CACNA1D: variants seen among roughly 807,000 people sequenced by gnomAD.
CACNA1D encodes calcium voltage-gated channel subunit alpha1 D.
CACNA1D carries 55 observed loss-of-function variants against 257.1 expected under a neutral mutation model. The observed-to-expected ratio is 0.21, with a 90% confidence interval of 0.17 to 0.27. The LOEUF (loss-of-function observed/expected upper bound fraction) is 0.27. Ranked by LOEUF, CACNA1D falls within the 10% of genes least tolerant of loss-of-function variation. CACNA1D has a pLI of 1.00. For synonymous variants in CACNA1D, 980 were observed against 1,014.9 expected (o/e 0.97, Z 0.65); for missense variants, 1,876 against 2,784.0 (o/e 0.67, Z 7.34).
chr3:53,626,399 C>A (rs771696030), intron 3 of CACNA1D, among the ~76,000 whole-genome samples: 5 of 152,040 alleles, frequency 3.3e-5, no homozygotes, highest in African/African-American at 9.7e-5. Flanking sequence ...ATGGAGGGGA[C>A]CTGTGGGATA....
intron 29 of CACNA1D, among the ~76,000 whole-genome samples, chr3:53,755,145 T>C (rs719260): frequency 0.2 from 30,155 of 152,232 alleles, 3,481 homozygotes; most frequent in East Asian, 0.28. Context: ...TCTGGACTGA[T>C]GGAAAAGGTT....
chr3:53,666,631 C>A, intron 7 of CACNA1D, 96 bp downstream of exon 7: 1 of 997,152 alleles, frequency 1.0e-6, no homozygotes, highest in South Asian at 1.3e-5. Context: ...GGAAAAGAAA[C>A]CCTGAAGTCA....
intron 4 of CACNA1D, among the ~76,000 whole-genome samples, chr3:53,659,245 A>G (rs1329635465): frequency 7.2e-5 from 11 of 152,226 alleles, no homozygotes; most frequent in Non-Finnish European, 1.2e-4. Context: ...TGAGACTAGG[A>G]AAAAATTTAT....
intron 29 of CACNA1D, among the ~76,000 whole-genome samples, chr3:53,757,614 T>C (rs1056621717): frequency 6.6e-6 from 1 of 152,222 alleles, no homozygotes; most frequent in African/African-American, 2.4e-5. Context: ...TGAGAAAGCA[T>C]ATACAATTTT....
intron 3 of CACNA1D, among the ~76,000 whole-genome samples, chr3:53,517,281 G>A (rs1431000744): frequency 1.3e-5 from 2 of 152,040 alleles, no homozygotes; most frequent in Non-Finnish European, 2.9e-5. Flanking sequence ...CATGATGCCA[G>A]TGCCACATCT....
chr3:53,603,950 A>G (rs2093476554), intron 3 of CACNA1D, among the ~76,000 whole-genome samples: 1 of 152,240 alleles, frequency 6.6e-6, no homozygotes, highest in East Asian at 1.9e-4. Flanking sequence ...ACAGTTGGTT[A>G]TATTTAATGG....
At chr3:53,696,778 T>C (rs2094577029) in intron 8 of CACNA1D, among the ~76,000 whole-genome samples, 1 of 152,034 alleles carries the variant, frequency 6.6e-6, no homozygotes, top group African/African-American at 2.4e-5. Flanking sequence ...GAGTATAAGG[T>C]GTGCATTTAT....
intron 40 of CACNA1D, among the ~76,000 whole-genome samples, chr3:53,796,844 TTAAAA>T (rs1219859568): frequency 1.3e-5 from 2 of 152,248 alleles, no homozygotes; most frequent in South Asian, 2.1e-4. Flanking sequence ...ATTGGACATC[TTAAAA>T]TAAGTCAATA....
chr3:53,661,462 G>C (rs927513660), intron 5 of CACNA1D, among the ~76,000 whole-genome samples: 7 of 152,178 alleles, frequency 4.6e-5, no homozygotes, highest in African/African-American at 1.7e-4. Flanking sequence ...GAACTGTGTG[G>C]AATCAATTGA....
chr3:53,607,875 A>G (rs913100070), intron 3 of CACNA1D, among the ~76,000 whole-genome samples: 2 of 152,152 alleles, frequency 1.3e-5, no homozygotes, highest in African/African-American at 2.4e-5. Flanking sequence ...ATTCTTTCCT[A>G]TTGGACTGTA....
In CACNA1D at chr3:53,671,555, A is replaced by G. The variant is rs543856662; in HGVS notation, c.1117-1468A>G. On this transcript the variant is annotated intron_variant, in intron 7 of 47. Transcript: ENST00000350061. ...CTTCCTGCTGAAATTAGTTTATCCA[A>G]CTTAATTAGATCAACAATTGCAGCC... Among the ~76,000 whole-genome samples, 9 of 152,278 alleles carry G rather than the reference A, an allele frequency of 5.9e-5. 1 individual carries two copies. In the South Asian group the frequency reaches 1.9e-3, roughly 32 times the overall value.
At chr3:53,732,215 A>G in intron 18 of CACNA1D, 133 bp downstream of exon 18, 1 of 731,448 alleles carries the variant, frequency 1.4e-6, no homozygotes, top group South Asian at 1.5e-5. Context: ...AGGCCGTGGG[A>G]CCAGTTAGCT....
At position 53,723,654 on chromosome 3, in the gene CACNA1D, G is replaced by C; in HGVS notation, c.1887G>C (p.Val629=). 6.2e-7 allele frequency: 1 copy of C among 1,613,800 alleles called. No individual in the cohort carries two copies. The highest frequency in any genetic ancestry group is 8.5e-7 in the Non-Finnish European group (1 of 1,179,796). ...TGCGCCTCTTAAGAATCTTCAAAGT[G>C]ACCAGGTAAGGAAATGTGGGTCCCA... is the stretch of plus-strand genomic sequence containing the variant. ...RCVRLLRIFK[V]TRHWTSLSNL... is the part of the protein sequence containing the mutation. Residue 629 remains valine, a synonymous_variant, in exon 13 of 48, where the codon GTG becomes GTC. Coordinates refer to ENST00000350061, the MANE Select transcript of CACNA1D (RefSeq NM_001128840.3). The surrounding 1 kb of genome is among the most constrained non-coding windows in gnomAD (Gnocchi z 5.6).
intron 7 of CACNA1D, among the ~76,000 whole-genome samples, chr3:53,671,585 C>T (rs1262490540): frequency 1.3e-5 from 2 of 152,236 alleles, no homozygotes; most frequent in African/African-American, 4.8e-5. Context: ...GCAGCCACAG[C>T]CCAGGCTCAT....
chr3:53,785,297 T>C (rs1254584574), intron 39 of CACNA1D, among the ~76,000 whole-genome samples: 1 of 152,126 alleles, frequency 6.6e-6, no homozygotes, highest in Non-Finnish European at 1.5e-5. Context: ...GGCTTATACC[T>C]GGGTGGCCCC....
At chr3:53,632,565 C>G (rs1201401585) in intron 3 of CACNA1D, among the ~76,000 whole-genome samples, 1 of 152,276 alleles carries the variant, frequency 6.6e-6, no homozygotes, top group Non-Finnish European at 1.5e-5. Flanking sequence ...TACGAAAGGC[C>G]TGGCTTTCAG....
At chr3:53,534,256 T>C (rs1547950) in intron 3 of CACNA1D, among the ~76,000 whole-genome samples, 79,384 of 151,938 alleles carry the variant, frequency 0.52, 21,837 homozygotes, top group African/African-American at 0.71. Context: ...CTCGCCTCCC[T>C]GCCCCTCTCC....
At chr3:53,507,190 T>C (rs1276068504) in intron 3 of CACNA1D, among the ~76,000 whole-genome samples, 1 of 151,856 alleles carries the variant, frequency 6.6e-6, no homozygotes, top group Non-Finnish European at 1.5e-5. Flanking sequence ...CCTAATGATA[T>C]AATGTGAAAC....
chr3:53,570,230 A>G (rs2092919575), intron 3 of CACNA1D, among the ~76,000 whole-genome samples: 1 of 152,194 alleles, frequency 6.6e-6, no homozygotes, highest in Admixed American at 6.5e-5. Flanking sequence ...CTTTCAGTGA[A>G]ACTTAACGAC....
Sources: gnomAD v4.1 joint callset for allele counts (sites outside exome capture counted in the v4.1 genomes callset) on GRCh38, gnomAD v4.1.1 for gene constraint, Gnocchi (gnomAD v3.1) non-coding constraint, MANE v1.5 for transcripts, NCBI Gene and HGNC (gene_info 2026-07-23, HGNC 2026-07-21) for gene names.